Variants in MCTP2 observed in about 807,000 individuals in gnomAD.
MCTP2 encodes the protein multiple C2 and transmembrane domain containing 2, also known as multiple C2 and transmembrane domain-containing protein 2.
In MCTP2, 132 loss-of-function variants were observed where a neutral mutation model predicts 111.6. The ratio of observed to expected loss-of-function variants is 1.18; its 90% CI spans 1.03 to 1.37. The LOEUF (loss-of-function observed/expected upper bound fraction) is 1.37. Ranked by LOEUF, MCTP2 falls within the 40% of genes most tolerant of loss-of-function variation. The pLI, the probability that MCTP2 is intolerant of heterozygous loss-of-function variation, is 0.00. For synonymous variants in MCTP2, 395 were observed against 387.7 expected (o/e 1.02, Z -0.22); for missense variants, 1,183 against 1,067.9 (o/e 1.11, Z -1.50).
chr15:94,462,837 A>C (rs1567760542), intron 20 of MCTP2, among the ~76,000 whole-genome samples: 1 of 152,238 alleles, frequency 6.6e-6, no homozygotes, highest in East Asian at 1.9e-4. Flanking sequence ...TAAATGAATT[A>C]GTACATATAA....
At chr15:94,425,990 T>G (rs1262970317) in intron 17 of MCTP2, among the ~76,000 whole-genome samples, 1 of 152,048 alleles carries the variant, frequency 6.6e-6, no homozygotes, top group South Asian at 2.1e-4. Context: ...TGGCTATTAG[T>G]GTTTTTTGGA....
chr15:94,243,663 GTATA>G (rs1201004098), intron 1 of MCTP2, among the ~76,000 whole-genome samples: 1 of 146,810 alleles, frequency 6.8e-6, no homozygotes, highest in Admixed American at 6.8e-5. Flanking sequence ...ACACATATGC[GTATA>G]TATACACATA....
intron 4 of MCTP2, among the ~76,000 whole-genome samples, chr15:94,325,030 C>T (rs943928207): frequency 3.3e-5 from 5 of 152,182 alleles, no homozygotes. Context: ...GCCCTCTGGG[C>T]ACCTCTGTTA....
intron 14 of MCTP2, among the ~76,000 whole-genome samples, chr15:94,389,693 A>C (rs933731743): frequency 2.0e-5 from 3 of 152,140 alleles, no homozygotes; most frequent in Admixed American, 2.0e-4. Context: ...GTGGAGCCAT[A>C]ATAATACCTT....
chr15:94,353,268 A>G (rs1231088763), intron 8 of MCTP2, among the ~76,000 whole-genome samples: 6 of 152,202 alleles, frequency 3.9e-5, no homozygotes, highest in African/African-American at 1.4e-4. Context: ...GTTATGGTGT[A>G]ATGCAGCGAG....
At chr15:94,440,943 AC>A (rs534476808) in intron 18 of MCTP2, among the ~76,000 whole-genome samples, 159 of 151,536 alleles carry the variant, frequency 1.0e-3, no homozygotes, top group African/African-American at 3.7e-3. Context: ...CCCTCATTGC[AC>A]CCCATAAGAT....
chr15:94,282,754 T>A (rs568700367), intron 1 of MCTP2, among the ~76,000 whole-genome samples: 1 of 152,330 alleles, frequency 6.6e-6, no homozygotes, highest in Non-Finnish European at 1.5e-5. Context: ...GGTTTGACTG[T>A]AGTGCAAATT....
At chr15:94,461,305 C>T (rs1440686858) in intron 20 of MCTP2, among the ~76,000 whole-genome samples, 3 of 151,996 alleles carry the variant, frequency 2.0e-5, no homozygotes, top group Non-Finnish European at 4.4e-5. Context: ...ACTAAAAATA[C>T]AAAAATTAGC....
At chr15:94,258,321 G>A (rs2072965944) in intron 1 of MCTP2, among the ~76,000 whole-genome samples, 1 of 152,112 alleles carries the variant, frequency 6.6e-6, no homozygotes, top group Non-Finnish European at 1.5e-5. Flanking sequence ...TATATTGTGA[G>A]TTTGAATTTC....
intron 21 of MCTP2, among the ~76,000 whole-genome samples, chr15:94,475,854 C>T (rs2074304530): frequency 6.6e-6 from 1 of 152,102 alleles, no homozygotes; most frequent in South Asian, 2.1e-4. Context: ...TGCACGGGAA[C>T]CCAAGGTGCA....
At chr15:94,401,121 G>T (rs1461004078) in intron 16 of MCTP2, among the ~76,000 whole-genome samples, 1 of 152,082 alleles carries the variant, frequency 6.6e-6, no homozygotes, top group Non-Finnish European at 1.5e-5. Context: ...ACCTCCACGT[G>T]GGGTGGCTTT....
At chr15:94,362,159 A>G (rs1346353756) in intron 10 of MCTP2, among the ~76,000 whole-genome samples, 2 of 152,204 alleles carry the variant, frequency 1.3e-5, no homozygotes, top group African/African-American at 2.4e-5. Context: ...CAAGCAAAAA[A>G]GCATCTGATC....
chr15:94,295,711 G>T (rs1165725759), intron 1 of MCTP2, among the ~76,000 whole-genome samples: 1 of 151,846 alleles, frequency 6.6e-6, no homozygotes, highest in Non-Finnish European at 1.5e-5. Flanking sequence ...TTCAGCTTTA[G>T]ATTTTTAGTT....
intron 1 of MCTP2, among the ~76,000 whole-genome samples, chr15:94,246,981 CA>C (rs1421765054): frequency 6.2e-4 from 95 of 152,246 alleles, no homozygotes; most frequent in African/African-American, 2.1e-3. Flanking sequence ...TATTTTAAGA[CA>C]AACTCCCATG....
chr15:94,355,583 T>A (rs2152423388), intron 8 of MCTP2, among the ~76,000 whole-genome samples: 1 of 151,984 alleles, frequency 6.6e-6, no homozygotes, highest in Admixed American at 6.5e-5. Flanking sequence ...ACTCCAGGTC[T>A]GCAAAGCTCA....
chr15:94,306,694 C>A (rs745376157), intron 2 of MCTP2, among the ~76,000 whole-genome samples: 2 of 152,208 alleles, frequency 1.3e-5, no homozygotes, highest in Non-Finnish European at 2.9e-5. Flanking sequence ...TTCCCATAAT[C>A]CATGAAATTC....
rs1180348028 is a variant in MCTP2, at chr15:94,483,902, T to A, written c.*4868T>A. The A allele has an allele frequency of 6.6e-6, 1 of 152,186 alleles. No homozygotes were observed. Among genetic ancestry groups the A allele is most frequent in the African/African-American group, 2.4e-5 (1 of 41,442 alleles). 9.4% of individuals were successfully genotyped at this position (152,186 alleles called of 1,614,324 possible). On this transcript the variant is annotated 3_prime_UTR_variant, in exon 23 of 23. Transcript: ENST00000357742. The stretch of plus-strand genomic sequence containing the variant: ...CCTCTCATTTATGTATTAGGAATCT[T>A]GTGACAACGGAACAGTTGAAAAATT...
chr15:94,286,922 T>A (rs2074786986), intron 1 of MCTP2, among the ~76,000 whole-genome samples: 1 of 152,222 alleles, frequency 6.6e-6, no homozygotes, highest in South Asian at 2.1e-4. Flanking sequence ...AGCATAGGTA[T>A]CATGTTTTGT....
chr15:94,475,127 A>G lies in MCTP2; in HGVS notation c.2471-1569A>G, dbSNP rs150158998. 1.2e-4 allele frequency among the ~76,000 whole-genome samples: 19 copies of G among 152,152 alleles called. No individual in the cohort carries two copies. In the East Asian group the frequency reaches 2.9e-3, roughly 23 times the overall value. On this transcript the variant is annotated intron_variant, in intron 21 of 22. Coordinates refer to ENST00000357742, the MANE Select transcript of MCTP2 (RefSeq NM_001385001.1). ...TTGCCTTGTCTGTTTTCTTTTGCCA[A>G]AAAGCCCATGCTACAATTAAATGTC...
Sources: gnomAD v4.1 joint callset for allele counts (sites outside exome capture counted in the v4.1 genomes callset) on GRCh38, gnomAD v4.1.1 for gene constraint, MANE v1.5 for transcripts, NCBI Gene and HGNC (gene_info 2026-07-23, HGNC 2026-07-21) for gene names.